Variants in POU6F2 observed in about 807,000 individuals in gnomAD.
The protein encoded by POU6F2 is POU domain, class 6, transcription factor 2.
A neutral mutation model predicts 71.3 loss-of-function variants in POU6F2; 31 were observed. The ratio of observed to expected loss-of-function variants is 0.43; its 90% CI spans 0.33 to 0.59. POU6F2 has a LOEUF of 0.59. Ranked by LOEUF, POU6F2 falls within the 20% of genes least tolerant of loss-of-function variation. POU6F2 has a pLI of 0.04. For synonymous variants in POU6F2, 347 were observed against 355.7 expected, an observed-to-expected ratio of 0.98 and a Z score of 0.27; for missense variants, 783 against 856.8, an observed-to-expected ratio of 0.91 and a Z score of 1.07.
intron 1 of POU6F2, chr7:39,006,937 T>C (rs1263470656): frequency 2.7e-6 from 4 of 1,468,488 alleles, no homozygotes; most frequent in South Asian, 2.3e-5. Flanking sequence ...GTGAGTTTAT[T>C]GTATAAAATC....
At chr7:39,257,188 A>G (rs1358800453) in intron 4 of POU6F2, among the ~76,000 whole-genome samples, 3 of 152,214 alleles carry the variant, frequency 2.0e-5, no homozygotes, top group African/African-American at 7.2e-5. Context: ...CATGGTACCC[A>G]AGGGAAGGAA....
At chr7:39,100,602 A>C (rs1168284918) in intron 2 of POU6F2, among the ~76,000 whole-genome samples, 2 of 152,224 alleles carry the variant, frequency 1.3e-5, no homozygotes. Flanking sequence ...ATATTGAAAA[A>C]TATTAAATCA....
In POU6F2 at chr7:39,085,956, G is replaced by C; in HGVS notation, c.202G>C (p.Asp68His). Residue 68 changes from aspartate to histidine, a missense_variant, in exon 2 of 10, where the codon GAC (aspartate) becomes CAC (histidine). Around this residue, in one of 2 missense-constraint regions of POU6F2, gnomAD observed 572 missense variants for 572.9 expected, o/e 1.00. Coordinates refer to ENST00000518318, the MANE Select transcript of POU6F2 (RefSeq NM_001370959.1). ...AGGTGAGGACAAGGCTGCTACTTCAGACAGCGAGCTGAATGAGCCCCTGCT... is the reference window on the plus strand; with the variant it reads ...AGGTGAGGACAAGGCTGCTACTTCACACAGCGAGCTGAATGAGCCCCTGCT... ...LRGEDKAATS[D>H]SELNEPLLAP... 1.2e-6 allele frequency: 2 copies of C among 1,613,752 alleles called. No homozygotes were observed. Among genetic ancestry groups the C allele is most frequent in the Non-Finnish European group, 1.7e-6 (2 of 1,179,804 alleles).
At chr7:39,287,160 C>T (rs775677886) in intron 4 of POU6F2, among the ~76,000 whole-genome samples, 8 of 152,020 alleles carry the variant, frequency 5.3e-5, no homozygotes, top group Non-Finnish European at 1.0e-4. Context: ...GATTAATAGC[C>T]CAACAAGCAA....
chr7:39,308,070 C>T (rs1438604830), intron 4 of POU6F2, among the ~76,000 whole-genome samples: 1 of 152,254 alleles, frequency 6.6e-6, no homozygotes, highest in Non-Finnish European at 1.5e-5. Flanking sequence ...CAGGTGCCAC[C>T]GAACAAAGTC....
intron 1 of POU6F2, among the ~76,000 whole-genome samples, chr7:39,073,515 T>C (rs1431354674): frequency 6.6e-6 from 1 of 152,154 alleles, no homozygotes; most frequent in Non-Finnish European, 1.5e-5. Flanking sequence ...ATGTTATCTC[T>C]GCTCGTCTTA....
rs35190834 is a variant in POU6F2 at position 39,087,159 on chromosome 7, AATTTATTTATTTATTTATTT to A, written c.277+1149_277+1168del. On this transcript the variant is annotated intron_variant, in intron 2 of 9. Coordinates refer to ENST00000518318, the MANE Select transcript of POU6F2 (RefSeq NM_001370959.1). ...CACAGGCTTTATTAATTAATTAATT[AATTTATTTATTTATTTATTT>A]ATTTATTTATTTATTTATTTTAACC... 3.4e-3 allele frequency among the ~76,000 whole-genome samples: 428 copies of A among 125,742 alleles called. 4 individuals are homozygous for A. Among genetic ancestry groups the A allele is most frequent in the African/African-American group, 0.014 (407 of 29,274 alleles). The allele number at this position is 125,742 out of a possible 152,430, so 82.5% of individuals were successfully genotyped here. A position where few individuals can be genotyped will look rare whatever the true frequency, so the allele number is the denominator to read the frequency against.
chr7:39,113,841 G>A (rs1791873696), intron 2 of POU6F2, among the ~76,000 whole-genome samples: 1 of 152,144 alleles, frequency 6.6e-6, no homozygotes, highest in South Asian at 2.1e-4. Context: ...ATGGTGCATT[G>A]CTCTTGGTCA....
chr7:39,215,399 T>C (rs887344753), intron 4 of POU6F2, among the ~76,000 whole-genome samples: 1 of 152,026 alleles, frequency 6.6e-6, no homozygotes, highest in Non-Finnish European at 1.5e-5. Context: ...ATCTTTTTAA[T>C]AGAAAAAGAA....
chr7:39,154,810 T>A (rs1792835602), intron 2 of POU6F2, among the ~76,000 whole-genome samples: 1 of 152,172 alleles, frequency 6.6e-6, no homozygotes, highest in African/African-American at 2.4e-5. Context: ...TAGTAATCTT[T>A]CCCTTTGTTT....
chr7:39,219,043 G>A (rs967168277), intron 4 of POU6F2, among the ~76,000 whole-genome samples: 2 of 152,164 alleles, frequency 1.3e-5, no homozygotes, highest in African/African-American at 2.4e-5. Flanking sequence ...TGGAGGCTAA[G>A]GAAGCGTTTT....
In POU6F2 at chr7:39,240,542, A is replaced by C. The variant is rs1421015579; in HGVS notation, c.598+32922A>C. ...GGCCAGAAACCAGTTCCTACCAATC[A>C]ACTCAAACTCCTGCATAAGACCGGA... On this transcript the variant is annotated intron_variant, in intron 4 of 9. Coordinates refer to ENST00000518318, the MANE Select transcript of POU6F2 (RefSeq NM_001370959.1). 1.6e-4 allele frequency among the ~76,000 whole-genome samples: 25 copies of C among 152,118 alleles called. 1 individual carries two copies. The highest frequency in any genetic ancestry group is 1.6e-3 in the Admixed American group (25 of 15,256).
At chr7:39,162,002 C>T (rs1481618610) in intron 2 of POU6F2, among the ~76,000 whole-genome samples, 7 of 152,134 alleles carry the variant, frequency 4.6e-5, no homozygotes, top group Admixed American at 2.6e-4. Context: ...CATCATAACA[C>T]GTGCTTTGGA....
intron 4 of POU6F2, among the ~76,000 whole-genome samples, chr7:39,214,419 T>G (rs1164484548): frequency 2.0e-5 from 3 of 152,204 alleles, no homozygotes; most frequent in Non-Finnish European, 4.4e-5. Flanking sequence ...TTACAAAATC[T>G]CAAAAGTGTT....
At chr7:39,432,605 G>A (rs1788133559) in intron 6 of POU6F2, among the ~76,000 whole-genome samples, 1 of 152,094 alleles carries the variant, frequency 6.6e-6, no homozygotes, top group East Asian at 1.9e-4. Flanking sequence ...ATTGAGAGAG[G>A]AGCTGGATGT....
chr7:39,307,753 G>A (rs758341557), intron 4 of POU6F2, among the ~76,000 whole-genome samples: 2 of 152,128 alleles, frequency 1.3e-5, no homozygotes, highest in East Asian at 1.9e-4. Context: ...CAAGGTAGGC[G>A]GGTCAGTAGT....
At chr7:38,980,212 C>T (rs754782257) in intron 1 of POU6F2, among the ~76,000 whole-genome samples, 9 of 152,080 alleles carry the variant, frequency 5.9e-5, no homozygotes, top group African/African-American at 9.7e-5. Flanking sequence ...TTGTTAAAAA[C>T]GCCTCAAAAT....
intron 5 of POU6F2, among the ~76,000 whole-genome samples, chr7:39,398,482 C>A (rs1332593289): frequency 6.7e-6 from 1 of 149,690 alleles, no homozygotes; most frequent in African/African-American, 2.5e-5. Context: ...ATATCCCCAC[C>A]CACCCTCCCA....
chr7:39,126,132 A>G (rs895517208), intron 2 of POU6F2, among the ~76,000 whole-genome samples: 7 of 152,228 alleles, frequency 4.6e-5, no homozygotes, highest in Admixed American at 3.3e-4. Flanking sequence ...ACGAGACAGC[A>G]AGGACAGATG....
Sources: allele counts gnomAD v4.1 joint callset (sites outside exome capture counted in the v4.1 genomes callset), GRCh38; gene constraint gnomAD v4.1.1; regional missense constraint gnomAD v4.1.1; transcripts MANE v1.5; gene names NCBI Gene and HGNC (gene_info 2026-07-23, HGNC 2026-07-21).